DLG2: variants seen among roughly 807,000 people sequenced by gnomAD.
DLG2 encodes disks large homolog 2.
DLG2 carries 45 observed loss-of-function variants against 132.5 expected under a neutral mutation model. That is an observed-to-expected ratio of 0.34 (90% CI 0.27 to 0.44). The LOEUF is 0.44. DLG2 is among the 20% of genes least tolerant of loss of function. DLG2 has a pLI of 1.00. For missense variants in DLG2, 1,045 were observed against 1,196.9 expected, an observed-to-expected ratio of 0.87 and a Z score of 1.87; for synonymous variants, 424 against 419.6, an observed-to-expected ratio of 1.01 and a Z score of -0.13.
At chr11:85,057,029 A>C (rs2063532470) in intron 6 of DLG2, among the ~76,000 whole-genome samples, 1 of 151,862 alleles carries the variant, frequency 6.6e-6, no homozygotes, top group African/African-American at 2.4e-5. Context: ...AAATAGGGTC[A>C]ATATATGGGT....
intron 3 of DLG2, among the ~76,000 whole-genome samples, chr11:85,560,223 C>CTAGAT (rs1384434584): frequency 6.6e-6 from 1 of 151,690 alleles, no homozygotes; most frequent in Non-Finnish European, 1.5e-5. Flanking sequence ...TAGAAATTTC[C>CTAGAT]CATCTAGGAA....
intron 3 of DLG2, among the ~76,000 whole-genome samples, chr11:85,442,396 T>C (rs1314613424): frequency 6.6e-6 from 1 of 152,188 alleles, no homozygotes; most frequent in African/African-American, 2.4e-5. Context: ...GGTCAAGTTA[T>C]ATTTAGAGTT....
At chr11:85,194,162 C>T (rs1480389123) in intron 4 of DLG2, among the ~76,000 whole-genome samples, 1 of 152,214 alleles carries the variant, frequency 6.6e-6, no homozygotes, top group East Asian at 1.9e-4. Flanking sequence ...CTACTTTCCT[C>T]CCAACTGCAT....
At chr11:84,365,725 T>C (rs538089137) in intron 7 of DLG2, among the ~76,000 whole-genome samples, 2 of 152,084 alleles carry the variant, frequency 1.3e-5, no homozygotes, top group Non-Finnish European at 2.9e-5. Flanking sequence ...TTGTTCTCTT[T>C]GGTTTCAAAG....
At chr11:84,828,080 C>T (rs989657342) in intron 6 of DLG2, among the ~76,000 whole-genome samples, 4 of 151,590 alleles carry the variant, frequency 2.6e-5, no homozygotes, top group East Asian at 3.9e-4. Context: ...GCGGTGGAAA[C>T]GTTTGTAAAA....
At chr11:85,546,063 G>C (rs550859843) in intron 3 of DLG2, among the ~76,000 whole-genome samples, 1 of 152,206 alleles carries the variant, frequency 6.6e-6, no homozygotes, top group South Asian at 2.1e-4. Flanking sequence ...TGCTTCTCTA[G>C]TTCTTTTAAA....
At chr11:84,399,133 A>ACT (rs2098820804) in intron 7 of DLG2, among the ~76,000 whole-genome samples, 1 of 152,104 alleles carries the variant, frequency 6.6e-6, no homozygotes, top group East Asian at 1.9e-4. Flanking sequence ...AATATCAGAA[A>ACT]CTTCTTAAGA....
chr11:85,622,129 C>T (rs1376738837), intron 2 of DLG2, among the ~76,000 whole-genome samples: 2 of 152,196 alleles, frequency 1.3e-5, no homozygotes, highest in South Asian at 2.1e-4. Flanking sequence ...CTCATATGAT[C>T]ATTAGCATTT....
intron 3 of DLG2, among the ~76,000 whole-genome samples, chr11:85,430,485 A>C (rs1015533924): frequency 6.6e-6 from 1 of 152,168 alleles, no homozygotes; most frequent in East Asian, 1.9e-4. Flanking sequence ...ATCATTACAT[A>C]TCTATTGAAC....
At chr11:84,810,619 T>G (rs936781145) in intron 6 of DLG2, among the ~76,000 whole-genome samples, 4 of 152,164 alleles carry the variant, frequency 2.6e-5, no homozygotes, top group African/African-American at 7.2e-5. Flanking sequence ...AATAACCTAG[T>G]AGTTAACCTA....
intron 6 of DLG2, among the ~76,000 whole-genome samples, chr11:84,668,196 T>A (rs1213472354): frequency 1.3e-5 from 2 of 152,102 alleles, no homozygotes; most frequent in Non-Finnish European, 2.9e-5. Flanking sequence ...GACCCTATTT[T>A]CCTCACCCAA....
At chr11:85,024,429 C>G (rs2060340005) in intron 6 of DLG2, among the ~76,000 whole-genome samples, 1 of 152,108 alleles carries the variant, frequency 6.6e-6, no homozygotes, top group Non-Finnish European at 1.5e-5. Context: ...AAACACAGAC[C>G]AAGTAGAAAA....
At chr11:85,608,201 G>A (rs2080729924) in intron 2 of DLG2, among the ~76,000 whole-genome samples, 1 of 152,102 alleles carries the variant, frequency 6.6e-6, no homozygotes, top group South Asian at 2.1e-4. Context: ...AAAACCATGG[G>A]TGGTTTTGTC....
rs745776652 is a variant in DLG2 at position 83,833,657 on chromosome 11, G to C, written c.1679C>G (p.Ala560Gly). Residue 560 changes from alanine (A) to glycine (G), a missense_variant, in exon 17 of 28, where the codon GCA becomes GGA. Transcript: ENST00000376104. Reference protein sequence around the residue: ...FVSFILAGGPADLSGELQRGD... With the variant: ...FVSFILAGGPGDLSGELQRGD... ...TCTCTGGAGCTCCCCACTTAGGTCT[G>C]CTGGTCCACCAGCCAGAATGAAGGA... 1 of 1,613,994 alleles carries C rather than the reference G, an allele frequency of 6.2e-7. No individual in the cohort carries two copies. The highest frequency in any genetic ancestry group is 8.5e-7 in the Non-Finnish European group (1 of 1,179,948).
intron 18 of DLG2, among the ~76,000 whole-genome samples, chr11:83,688,184 C>T (rs143037987): frequency 7.2e-5 from 11 of 152,254 alleles, no homozygotes; most frequent in East Asian, 1.9e-4. Flanking sequence ...TCCCACGCAA[C>T]GAATTTGTTT....
intron 19 of DLG2, among the ~76,000 whole-genome samples, chr11:83,557,950 A>C (rs1003093631): frequency 3.3e-5 from 5 of 152,160 alleles, no homozygotes; most frequent in African/African-American, 1.2e-4. Flanking sequence ...GGCCTTTTTC[A>C]ATTTTATTTA....
At chr11:83,625,261 G>T (rs1171296977) in intron 19 of DLG2, among the ~76,000 whole-genome samples, 1 of 152,090 alleles carries the variant, frequency 6.6e-6, no homozygotes, top group Non-Finnish European at 1.5e-5. Flanking sequence ...CACAGTCCAC[G>T]GATTTTATGG....
At chr11:84,316,354 C>A (rs1372823295) in intron 7 of DLG2, among the ~76,000 whole-genome samples, 1 of 152,046 alleles carries the variant, frequency 6.6e-6, no homozygotes, top group Non-Finnish European at 1.5e-5. Flanking sequence ...AAAAGGCATA[C>A]AGTATTATAA....
chr11:83,766,257 C>T (rs539332307), intron 18 of DLG2, among the ~76,000 whole-genome samples: 1 of 152,108 alleles, frequency 6.6e-6, no homozygotes, highest in East Asian at 1.9e-4. Flanking sequence ...CCACACCTGG[C>T]TAATTTTTTG....
Sources: allele counts gnomAD v4.1 joint callset (sites outside exome capture counted in the v4.1 genomes callset), GRCh38; gene constraint gnomAD v4.1.1; transcripts MANE v1.5; gene names NCBI Gene and HGNC (gene_info 2026-07-23, HGNC 2026-07-21).